Variants in LOXL3 observed in about 807,000 individuals in gnomAD.
LOXL3 encodes lysyl oxidase homolog 3.
Under a neutral mutation model 91.8 loss-of-function variants are expected in LOXL3, and 60 were observed. The observed-to-expected ratio is 0.65, with a 90% CI of 0.53 to 0.81. LOXL3 has a LOEUF of 0.81. Among genes scored for constraint, LOXL3 ranks in the 30% least tolerant of loss-of-function variants. The probability of loss-of-function intolerance (pLI) is 0.00; values close to 1 mark genes in which losing one functional copy is unlikely to be tolerated. For missense variants in LOXL3, 874 were observed against 1,000.4 expected (o/e 0.87, Z 1.70); for synonymous variants, 355 against 387.6 (o/e 0.92, Z 0.99).
At position 74,536,472 on chromosome 2, in the gene LOXL3, C is replaced by T; in HGVS notation, c.913-1G>A. 1 of 1,611,830 alleles carries T rather than the reference C, an allele frequency of 6.2e-7. No homozygotes were observed. On this transcript the variant is annotated splice_acceptor_variant, in intron 5 of 13. Coordinates refer to ENST00000264094, the MANE Select transcript of LOXL3 (RefSeq NM_032603.5). LOFTEE classifies it high-confidence loss of function. The surrounding 1 kb of genome is among the most constrained non-coding windows in gnomAD (Gnocchi z 4.5). ...CGCCGCCCTTTAGACGGACACGGGC[C>T]TATAGAAGAGAGAAGTGCCCAACAG... is the stretch of plus-strand genomic sequence containing the variant.
At position 74,549,249 on chromosome 2, in the gene LOXL3, C is replaced by T; in HGVS notation, c.692+120G>A. ...GCTTTGCAACGGCCTCCATATTTTC[C>T]CGCGCGTCCCGACCCCCGGGTCCTC... On this transcript the variant is annotated intron_variant, in intron 4 of 13. Coordinates refer to ENST00000264094, the MANE Select transcript of LOXL3 (RefSeq NM_032603.5). This position sits in a 1 kb window ranked among gnomAD's most constrained non-coding sequence, Gnocchi z 5.3. The T allele has an allele frequency of 1.7e-6, 2 of 1,182,102 alleles. No individual in the cohort carries two copies. The highest frequency in any genetic ancestry group is 2.3e-6 in the Non-Finnish European group (2 of 878,260). The allele number at this position is 1,182,102 out of a possible 1,614,324, so 73.2% of individuals were successfully genotyped here. A position where few individuals can be genotyped will look rare whatever the true frequency, so the allele number is the denominator to read the frequency against.
At position 74,534,535 on chromosome 2, in the gene LOXL3, G is replaced by A; in HGVS notation, c.1819C>T (p.His607Tyr). The change falls in exon 10 of 14, where the codon CAT (histidine) becomes TAT (tyrosine). Residue 607 changes from histidine (H) to tyrosine (Y), a missense_variant. By Grantham distance (83) the His-to-Tyr change is moderately conservative. Coordinates refer to ENST00000264094, the MANE Select transcript of LOXL3 (RefSeq NM_032603.5). ...CTTGACTCCCTACCCTCTCACCCAT[G>A]GCACTCGTGCCACACCCAGGAGTGG... ...GRHSWVWHECHGHYHSMDIFT... is the reference protein window; with the variant it reads ...GRHSWVWHECYGHYHSMDIFT... 1 of 1,614,128 alleles carries A rather than the reference G, an allele frequency of 6.2e-7. No individual in the cohort carries two copies. The highest frequency in any genetic ancestry group is 8.5e-7 in the Non-Finnish European group (1 of 1,179,982).
intron 4 of LOXL3, among the ~76,000 whole-genome samples, chr2:74,540,444 A>C (rs1676263084): frequency 6.6e-6 from 1 of 152,092 alleles, no homozygotes; most frequent in African/African-American, 2.4e-5. Context: ...GCTCTCTTTG[A>C]GAAAGACTCT....
intron 4 of LOXL3, among the ~76,000 whole-genome samples, chr2:74,547,238 C>G (rs972828247): frequency 1.3e-5 from 2 of 152,140 alleles, no homozygotes; most frequent in Non-Finnish European, 2.9e-5. Flanking sequence ...AGGCTGGTCT[C>G]GAATTCTTGG....
chr2:74,547,489 C>A (rs1410476419), intron 4 of LOXL3, among the ~76,000 whole-genome samples: 4 of 152,104 alleles, frequency 2.6e-5, no homozygotes, highest in African/African-American at 9.7e-5. Context: ...GGAAATGCAG[C>A]CCCAAGATGG....
chr2:74,554,348 G>A (rs1338449270), upstream of LOXL3: 8 of 192,282 alleles, frequency 4.2e-5, no homozygotes, highest in Non-Finnish European at 7.5e-5. The surrounding 1 kb of genome is among the most constrained non-coding windows in gnomAD (Gnocchi z 4.9). Flanking sequence ...GGGCGGGCCC[G>A]GCCAGGGTAA....
rs746031886 is a variant in LOXL3, at chr2:74,536,073, T to G, written c.1171A>C (p.Ile391Leu). 5.6e-6 allele frequency: 9 copies of G among 1,613,276 alleles called. No individual in the cohort carries two copies. Among genetic ancestry groups the G allele is most frequent in the Non-Finnish European group, 6.8e-6 (8 of 1,179,562 alleles). ...LSLWKCPHKN[I>L]TAEDCSHSQD... ...CTATGTGAACAATCCTCAGCTGTGA[T>G]GTTCTTGTGGGGGCACTTCCAGAGG... The change falls in exon 7 of 14, where the codon ATC becomes CTC. Residue 391 changes from isoleucine to leucine, a missense_variant. Transcript: ENST00000264094. The surrounding 1 kb of genome is among the most constrained non-coding windows in gnomAD (Gnocchi z 4.5).
chr2:74,550,043 C>T, intron 3 of LOXL3, 142 bp downstream of exon 3: 11 of 1,472,702 alleles, frequency 7.5e-6, no homozygotes, highest in Non-Finnish European at 9.8e-6. Context: ...CATCTGGGAG[C>T]TCTATCATTT....
chr2:74,552,927 G>C, intron 1 of LOXL3: 2 of 390,654 alleles, frequency 5.1e-6, no homozygotes, highest in Non-Finnish European at 9.2e-6. Context: ...AAAAGAGATA[G>C]AGACTGAGCA....
chr2:74,550,934 G>GTTT (rs1030182702), intron 2 of LOXL3, among the ~76,000 whole-genome samples: 3 of 135,402 alleles, frequency 2.2e-5, no homozygotes, highest in Non-Finnish European at 4.8e-5. Flanking sequence ...TCTGAAACCT[G>GTTT]TTTTTTTTTT....
At chr2:74,543,934 GA>G (rs940043531) in intron 4 of LOXL3, among the ~76,000 whole-genome samples, 16 of 132,306 alleles carry the variant, frequency 1.2e-4, no homozygotes, top group Admixed American at 8.2e-4. Flanking sequence ...GAAAAGAAAA[GA>G]AAAAAAAGAA....
upstream of LOXL3, chr2:74,554,735 G>A: frequency 1.9e-6 from 3 of 1,606,136 alleles, no homozygotes; most frequent in South Asian, 2.2e-5. This position sits in a 1 kb window ranked among gnomAD's most constrained non-coding sequence, Gnocchi z 4.9. Context: ...CAGGAAGCGC[G>A]GAAGGAACCG....
At position 74,549,325 on chromosome 2, in the gene LOXL3, A is replaced by T. The variant is rs945063230; in HGVS notation, c.692+44T>A. 1.3e-6 allele frequency: 2 copies of T among 1,515,868 alleles called. No individual in the cohort carries two copies. The highest frequency in any genetic ancestry group is 2.5e-5 in the South Asian group (2 of 80,986). The allele number at this position is 1,515,868 out of a possible 1,614,324, so 93.9% of individuals were successfully genotyped here. The stretch of plus-strand genomic sequence containing the variant: ...CTCCCAAGGCTATTCATCAGGGAGC[A>T]CCCCAATCCCGGCCTGCTCCGCCCG... On this transcript the variant is annotated intron_variant, in intron 4 of 13. Transcript: ENST00000264094. The surrounding 1 kb of genome is among the most constrained non-coding windows in gnomAD (Gnocchi z 5.3).
In LOXL3 at chr2:74,532,944, G is replaced by C. The variant is rs1421244335; in HGVS notation, c.*662C>G. The C allele has an allele frequency of 1.2e-6, 2 of 1,613,974 alleles. No individual in the cohort carries two copies. Among genetic ancestry groups the C allele is most frequent in the South Asian group, 2.2e-5 (2 of 91,052 alleles). ...GGCAGTGCAGATCCGGCGGGGACGA[G>C]AAACACTGACCTTATATGTGACCCC... On this transcript the variant is annotated 3_prime_UTR_variant, in exon 14 of 14. Coordinates refer to ENST00000264094, the MANE Select transcript of LOXL3 (RefSeq NM_032603.5).
chr2:74,539,893 A>C (rs1007667133), intron 4 of LOXL3: 1 of 152,636 alleles, frequency 6.6e-6, no homozygotes, highest in African/African-American at 2.4e-5. Flanking sequence ...TGTAGAACCA[A>C]GTGGAAAAGC....
Position 74,549,352 on chromosome 2 carries a change from C to G in LOXL3, c.692+17G>C, listed in dbSNP as rs371714212. 6.4e-7 allele frequency: 1 copy of G among 1,555,044 alleles called. No individual in the cohort carries two copies. Among genetic ancestry groups the G allele is most frequent in the Non-Finnish European group, 8.7e-7 (1 of 1,148,202 alleles). Reference sequence around the variant, plus strand: ...CCCAATCCCGGCCTGCTCCGCCCGGCGCCCGCGGCCCCTCACCTGTAGAAG... The same window carrying G: ...CCCAATCCCGGCCTGCTCCGCCCGGGGCCCGCGGCCCCTCACCTGTAGAAG... On this transcript the variant is annotated intron_variant, in intron 4 of 13. Transcript: ENST00000264094. The surrounding 1 kb of genome is among the most constrained non-coding windows in gnomAD (Gnocchi z 5.3).
rs146655062 is a variant in LOXL3 at position 74,540,633 on chromosome 2, A to T, written c.693-3705T>A. Among the ~76,000 whole-genome samples the T allele has an allele frequency of 2.0e-3, 309 of 151,612 alleles. 1 individual carries two copies. Among genetic ancestry groups the T allele is most frequent in the African/African-American group, 7.2e-3 (299 of 41,370 alleles). On this transcript the variant is annotated intron_variant, in intron 4 of 13. Transcript: ENST00000264094. ...ATTCACAAACTGAGTTCATCTCCCA[A>T]ACTTACTTCCAGGGAAATAAATAAT...
intron 4 of LOXL3, chr2:74,548,938 G>A (rs1249611508): frequency 6.6e-6 from 1 of 152,114 alleles, no homozygotes. Context: ...CCGTCCCCGG[G>A]CCCCCGGACC....
At chr2:74,554,666 G>A (rs956585972), upstream of LOXL3, 5 of 1,375,326 alleles carry the variant, frequency 3.6e-6, no homozygotes, top group Non-Finnish European at 5.0e-6. The surrounding 1 kb of genome is among the most constrained non-coding windows in gnomAD (Gnocchi z 4.9). Flanking sequence ...GCCGGGGAGG[G>A]GCGGAAACTC....
Sources: allele counts gnomAD v4.1 joint callset (sites outside exome capture counted in the v4.1 genomes callset), GRCh38; gene constraint gnomAD v4.1.1; non-coding constraint Gnocchi (gnomAD v3.1); transcripts MANE v1.5; gene names NCBI Gene and HGNC (gene_info 2026-07-23, HGNC 2026-07-21).